Variants in THSD4 observed in about 807,000 individuals in gnomAD.
THSD4 encodes the protein thrombospondin type-1 domain-containing protein 4.
Under a neutral mutation model 119.0 loss-of-function variants are expected in THSD4, and 69 were observed. The observed-to-expected ratio is 0.58, with a 90% confidence interval of 0.48 to 0.71. The LOEUF (loss-of-function observed/expected upper bound fraction) is 0.71. Ranked by LOEUF, THSD4 falls within the 30% of genes least tolerant of loss-of-function variation. THSD4 has a pLI of 0.00. For missense variants in THSD4, 1,393 were observed against 1,391.1 expected, an observed-to-expected ratio of 1.00 and a Z score of -0.02; for synonymous variants, 524 against 540.4, an observed-to-expected ratio of 0.97 and a Z score of 0.42.
In THSD4 at chr15:71,495,172, C is replaced by T. The variant is rs144591869; in HGVS notation, c.1152+83349C>T. ...GCTAACAATTCAAGTTGACAACTGCCAATAGCAACCCAACCCCGTTTTTCT... is the reference window on the plus strand; with the variant it reads ...GCTAACAATTCAAGTTGACAACTGCTAATAGCAACCCAACCCCGTTTTTCT... On this transcript the variant is annotated intron_variant, in intron 7 of 17. Coordinates refer to ENST00000261862, the MANE Select transcript of THSD4 (RefSeq NM_024817.3). 4.4e-3 allele frequency among the ~76,000 whole-genome samples: 673 copies of T among 152,266 alleles called. 5 individuals carry two copies. The highest frequency in any genetic ancestry group is 0.016 in the African/African-American group (657 of 41,558).
chr15:71,509,959 G>A (rs951666506), intron 7 of THSD4, among the ~76,000 whole-genome samples: 3 of 151,960 alleles, frequency 2.0e-5, no homozygotes, highest in Admixed American at 6.6e-5. Flanking sequence ...AACTATTGTC[G>A]ATATTTTTAA....
chr15:71,207,466 G>A (rs2043853825), intron 3 of THSD4, among the ~76,000 whole-genome samples: 1 of 152,202 alleles, frequency 6.6e-6, no homozygotes, highest in South Asian at 2.1e-4. Context: ...TGTGCCAAAG[G>A]CAGACCCAGT....
chr15:71,513,254 G>C (rs916035780), intron 7 of THSD4, among the ~76,000 whole-genome samples: 1 of 152,142 alleles, frequency 6.6e-6, no homozygotes, highest in African/African-American at 2.4e-5. Flanking sequence ...TGTACATAGC[G>C]GGATTGTTAC....
In THSD4 at chr15:71,778,797, C is replaced by T. The variant is rs1229625169; in HGVS notation, c.*1423C>T. The T allele has an allele frequency of 1.3e-5, 2 of 152,308 alleles. No individual in the cohort carries two copies. Among genetic ancestry groups the T allele is most frequent in the Non-Finnish European group, 2.9e-5 (2 of 68,142 alleles). The allele number at this position is 152,308 out of a possible 1,614,324, so 9.4% of individuals were successfully genotyped here. ...TCCCCATCTCTTCCAATTCACTTTC[C>T]CCAACTATCCAGTTCCAGAGGCCGC... is the stretch of plus-strand genomic sequence containing the variant. On this transcript the variant is annotated 3_prime_UTR_variant, in exon 18 of 18. Transcript: ENST00000261862.
chr15:71,678,587 C>T (rs2051700334), intron 8 of THSD4, among the ~76,000 whole-genome samples: 1 of 152,204 alleles, frequency 6.6e-6, no homozygotes, highest in South Asian at 2.1e-4. Context: ...TGAAGTCTTG[C>T]AGATAAGTCA....
At chr15:71,674,065 T>G (rs183298550) in intron 8 of THSD4, among the ~76,000 whole-genome samples, 3 of 152,344 alleles carry the variant, frequency 2.0e-5, no homozygotes, top group East Asian at 3.9e-4. Context: ...TAGACATGCT[T>G]CTTCTGTGCG....
chr15:71,377,914 A>ATCT lies in THSD4; in HGVS notation c.1016-33773_1016-33772insTCT, dbSNP rs57687864. ...CACACACACACACACACACACACAC[A>ATCT]ATTTCCTTCAGTGACTCTTCTGAAA... On this transcript the variant is annotated intron_variant, in intron 6 of 17. Transcript: ENST00000261862. Among the ~76,000 whole-genome samples, 366 of 146,254 alleles carry ATCT rather than the reference A, an allele frequency of 2.5e-3. 4 individuals carry two copies. Among genetic ancestry groups the ATCT allele is most frequent in the African/African-American group, 7.1e-3 (282 of 39,762 alleles).
chr15:71,610,526 C>G (rs1041600268), intron 7 of THSD4, among the ~76,000 whole-genome samples: 2 of 152,184 alleles, frequency 1.3e-5, no homozygotes, highest in African/African-American at 4.8e-5. Flanking sequence ...CAGAAACAGT[C>G]TGTCCTGCAA....
At chr15:71,348,782 T>C (rs918444466) in intron 6 of THSD4, among the ~76,000 whole-genome samples, 1 of 152,242 alleles carries the variant, frequency 6.6e-6, no homozygotes, top group Non-Finnish European at 1.5e-5. Context: ...AAGGAATGTG[T>C]CACTTGCTGT....
chr15:71,460,343 G>A (rs2047412505), intron 7 of THSD4, among the ~76,000 whole-genome samples: 1 of 142,240 alleles, frequency 7.0e-6, no homozygotes, highest in Non-Finnish European at 1.5e-5. Flanking sequence ...CATGCCATTG[G>A]TCCCAGATAA....
At chr15:71,587,837 A>G (rs2140864793) in intron 7 of THSD4, among the ~76,000 whole-genome samples, 1 of 151,040 alleles carries the variant, frequency 6.6e-6, no homozygotes, top group African/African-American at 2.4e-5. Flanking sequence ...CAGTTTTACC[A>G]TGTTTTCATT....
intron 17 of THSD4, among the ~76,000 whole-genome samples, chr15:71,773,664 G>A (rs2053863682): frequency 6.6e-6 from 1 of 152,234 alleles, no homozygotes; most frequent in Non-Finnish European, 1.5e-5. Context: ...CCACAAGCCA[G>A]AGTTATGACA....
Position 71,256,714 on chromosome 15 carries a change from A to G in THSD4, c.1014A>G (p.Glu338=). 6.2e-7 allele frequency: 1 copy of G among 1,613,358 alleles called. No individual in the cohort carries two copies. Among genetic ancestry groups the G allele is most frequent in the Non-Finnish European group, 8.5e-7 (1 of 1,179,488 alleles). The change falls in exon 6 of 18, where the codon GAA becomes GAG. Residue 338 remains glutamate (E), a splice_region_variant and synonymous_variant. Transcript: ENST00000261862. ...GRFYEWEPFA[E]VKGNRKCELN... ...TTTATGAGTGGGAACCATTTGCAGA[A>G]GGTAAGAATAGACCCAGCCCTGTCC...
At chr15:71,627,080 C>CT (rs2050523692) in intron 7 of THSD4, among the ~76,000 whole-genome samples, 1 of 104,220 alleles carries the variant, frequency 9.6e-6, no homozygotes, top group Non-Finnish European at 2.1e-5. Context: ...GGTTTTGACA[C>CT]TCTTTTTTTT....
intron 7 of THSD4, among the ~76,000 whole-genome samples, chr15:71,499,288 A>AGG (rs1208777390): frequency 1.3e-5 from 2 of 152,138 alleles, no homozygotes; most frequent in African/African-American, 4.8e-5. Context: ...ACGGCCAAGG[A>AGG]GGAAGCCTCT....
intron 6 of THSD4, among the ~76,000 whole-genome samples, chr15:71,353,065 A>G (rs76373381): frequency 2.6e-5 from 4 of 152,346 alleles, no homozygotes; most frequent in East Asian, 1.9e-4. Context: ...ATTCAACACT[A>G]TCTCATGTAC....
At chr15:71,644,477 G>A (rs144271991) in intron 7 of THSD4, among the ~76,000 whole-genome samples, 1 of 152,068 alleles carries the variant, frequency 6.6e-6, no homozygotes, top group African/African-American at 2.4e-5. Flanking sequence ...GCAAGAATTT[G>A]TGGTTTTTCC....
rs1277019474 is a variant in THSD4 at position 71,520,620 on chromosome 15, TTCA to T, written c.1152+108802_1152+108804del. On this transcript the variant is annotated intron_variant, in intron 7 of 17. Transcript: ENST00000261862. ...CGTTTGGAGATAATAATAGATAACA[TTCA>T]TCATTCATTAAGCACTTACAATGTG... Among the ~76,000 whole-genome samples, 20 of 152,240 alleles carry T rather than the reference TTCA, an allele frequency of 1.3e-4. 1 individual carries two copies. Among genetic ancestry groups the T allele is most frequent in the Admixed American group, 1.0e-3 (16 of 15,284 alleles).
At chr15:71,599,027 C>T (rs765549079) in intron 7 of THSD4, among the ~76,000 whole-genome samples, 4 of 152,110 alleles carry the variant, frequency 2.6e-5, no homozygotes, top group Non-Finnish European at 4.4e-5. Flanking sequence ...CGATTTGCTC[C>T]GACCTTTTTT....
Sources: allele counts gnomAD v4.1 joint callset (sites outside exome capture counted in the v4.1 genomes callset), GRCh38; gene constraint gnomAD v4.1.1; transcripts MANE v1.5; gene names NCBI Gene and HGNC (gene_info 2026-07-23, HGNC 2026-07-21).